The following ADAMTSL3 variants were observed in gnomAD, a reference collection of about 807,000 sequenced individuals.
The protein encoded by ADAMTSL3 is ADAMTS-like protein 3.
ADAMTSL3 carries 128 observed loss-of-function variants against 201.7 expected under a neutral mutation model. The observed-to-expected ratio is 0.63, with a 90% CI of 0.55 to 0.73. The LOEUF is 0.73. Among genes scored for constraint, ADAMTSL3 ranks in the 30% least tolerant of loss-of-function variants. ADAMTSL3 has a pLI of 0.00. For synonymous variants in ADAMTSL3, 738 were observed against 748.4 expected (o/e 0.99, Z 0.23); for missense variants, 1,990 against 2,119.6 (o/e 0.94, Z 1.20).
intron 19 of ADAMTSL3, among the ~76,000 whole-genome samples, chr15:83,946,289 C>T (rs1040159698): frequency 1.3e-5 from 2 of 152,222 alleles, no homozygotes; most frequent in Non-Finnish European, 2.9e-5. Flanking sequence ...TTTACAGTTG[C>T]CAGTTGCGTA....
intron 7 of ADAMTSL3, 133 bp downstream of exon 7, chr15:83,838,348 A>C (rs2064316231): frequency 5.8e-6 from 7 of 1,217,298 alleles, no homozygotes; most frequent in African/African-American, 1.6e-5. Flanking sequence ...TCTAAAAGTG[A>C]AATTTCTTCC....
At chr15:83,838,032 G>C (rs1596299052) in intron 6 of ADAMTSL3, 57 bp from the exon 7 acceptor site, 8 of 1,566,928 alleles carry the variant, frequency 5.1e-6, no homozygotes, top group East Asian at 2.3e-5. Context: ...CTGAAATGAA[G>C]AGAGCTCCCC....
At chr15:83,875,757 G>A (rs1186562113) in intron 9 of ADAMTSL3, among the ~76,000 whole-genome samples, 4 of 152,166 alleles carry the variant, frequency 2.6e-5, no homozygotes, top group South Asian at 4.1e-4. Context: ...CACTCTGGCC[G>A]GGTGACAGAG....
In ADAMTSL3 at chr15:83,691,739, C is replaced by T. The variant is rs188258765; in HGVS notation, c.70-12650C>T. 2.2e-4 allele frequency among the ~76,000 whole-genome samples: 34 copies of T among 152,236 alleles called. No homozygotes were observed. In the East Asian group the frequency reaches 4.4e-3, roughly 20 times the overall value. On this transcript the variant is annotated intron_variant, in intron 2 of 29. Transcript: ENST00000286744. ...AAGTGATTCTCCTGCCTCAGCCTCC[C>T]GAGTAGCTGGGATTACAGGCGCCTG...
At chr15:84,023,524 T>C (rs2068243830) in intron 26 of ADAMTSL3, among the ~76,000 whole-genome samples, 1 of 152,186 alleles carries the variant, frequency 6.6e-6, no homozygotes, top group South Asian at 2.1e-4. Context: ...GGTCTTCCAG[T>C]ACCCTTTGTA....
chr15:83,737,761 T>C (rs1194683254), intron 3 of ADAMTSL3, among the ~76,000 whole-genome samples: 1 of 152,094 alleles, frequency 6.6e-6, no homozygotes, highest in Non-Finnish European at 1.5e-5. Context: ...AACACAAACA[T>C]ATACATACCC....
chr15:83,715,181 A>G (rs940589610), intron 3 of ADAMTSL3, among the ~76,000 whole-genome samples: 13 of 152,102 alleles, frequency 8.5e-5, no homozygotes, highest in African/African-American at 3.1e-4. Flanking sequence ...GCAGGATGTG[A>G]GGCTTGGAGC....
At chr15:83,671,870 TA>T (rs1385087924) in intron 2 of ADAMTSL3, among the ~76,000 whole-genome samples, 1 of 152,226 alleles carries the variant, frequency 6.6e-6, no homozygotes, top group African/African-American at 2.4e-5. Flanking sequence ...TTAAGAGGAA[TA>T]ATGGGCCTAG....
At position 84,039,549 on chromosome 15, in the gene ADAMTSL3, A is replaced by ACTC. The variant is rs1411398579; in HGVS notation, c.*1743_*1744insCTC. 6.6e-6 allele frequency: 1 copy of ACTC among 152,638 alleles called. No individual in the cohort carries two copies. The highest frequency in any genetic ancestry group is 1.5e-5 in the Non-Finnish European group (1 of 68,040). 9.5% of individuals were successfully genotyped at this position (152,638 alleles called of 1,614,324 possible). On this transcript the variant is annotated 3_prime_UTR_variant, in exon 30 of 30. Coordinates refer to ENST00000286744, the MANE Select transcript of ADAMTSL3 (RefSeq NM_207517.3). The stretch of plus-strand genomic sequence containing the variant: ...CATTTGTAACATACTCTTTGTATAT[A>ACTC]TTTATTATATGAAAGGTGCAATATT...
At chr15:83,736,237 GA>G (rs1463723284) in intron 3 of ADAMTSL3, among the ~76,000 whole-genome samples, 1 of 152,166 alleles carries the variant, frequency 6.6e-6, no homozygotes, top group Non-Finnish European at 1.5e-5. Context: ...ATGGAGTATA[GA>G]ATATTCAATG....
chr15:83,887,576 G>A (rs2065420584), intron 10 of ADAMTSL3, among the ~76,000 whole-genome samples: 2 of 152,052 alleles, frequency 1.3e-5, no homozygotes, highest in South Asian at 4.1e-4. Flanking sequence ...GACTCTTTGG[G>A]TACTCTTACT....
chr15:83,932,506 A>T (rs1309086491), intron 17 of ADAMTSL3, among the ~76,000 whole-genome samples: 1 of 152,188 alleles, frequency 6.6e-6, no homozygotes, highest in African/African-American at 2.4e-5. Flanking sequence ...GCCAGGGTCT[A>T]CCTCAATGGA....
chr15:83,656,856 G>A (rs1283166161), intron 2 of ADAMTSL3, among the ~76,000 whole-genome samples: 1 of 152,172 alleles, frequency 6.6e-6, no homozygotes, highest in African/African-American at 2.4e-5. Flanking sequence ...TATATACCCT[G>A]GGATAAATTA....
At chr15:83,877,102 C>CAA (rs975165309) in intron 9 of ADAMTSL3, among the ~76,000 whole-genome samples, 9 of 151,832 alleles carry the variant, frequency 5.9e-5, no homozygotes, top group African/African-American at 2.2e-4. Context: ...CCAAATTAAA[C>CAA]AAAAAAAATT....
At chr15:83,657,791 G>A (rs1247382536) in intron 2 of ADAMTSL3, among the ~76,000 whole-genome samples, 3 of 152,198 alleles carry the variant, frequency 2.0e-5, no homozygotes, top group Non-Finnish European at 4.4e-5. Flanking sequence ...GGGAGTGTGG[G>A]TGGGCATGGC....
At chr15:83,911,674 A>G (rs1481750063) in intron 15 of ADAMTSL3, among the ~76,000 whole-genome samples, 10 of 152,202 alleles carry the variant, frequency 6.6e-5, no homozygotes, top group Non-Finnish European at 5.9e-5. Flanking sequence ...TTTGCAGGAC[A>G]CGTATATAGT....
intron 6 of ADAMTSL3, among the ~76,000 whole-genome samples, chr15:83,823,898 CTTCTTCTTCTTCTTCT>C (rs2063940424): frequency 3.3e-4 from 6 of 18,172 alleles, no homozygotes; most frequent in African/African-American, 6.0e-4. Flanking sequence ...TCTTCCTCTT[CTTCTTCTTCTTCTTCT>C]TCTTCTTCTT....
chr15:83,753,259 G>A (rs2062667175), intron 3 of ADAMTSL3, among the ~76,000 whole-genome samples: 1 of 152,070 alleles, frequency 6.6e-6, no homozygotes, highest in African/African-American at 2.4e-5. Context: ...CAAGGAATTG[G>A]GATTTTGCTC....
At chr15:83,948,249 T>C (rs1038153808) in intron 19 of ADAMTSL3, among the ~76,000 whole-genome samples, 7 of 152,180 alleles carry the variant, frequency 4.6e-5, no homozygotes, top group African/African-American at 9.7e-5. Flanking sequence ...GAACCACTTA[T>C]GATCTCATCC....
Sources: allele counts gnomAD v4.1 joint callset (sites outside exome capture counted in the v4.1 genomes callset), GRCh38; gene constraint gnomAD v4.1.1; transcripts MANE v1.5; gene names NCBI Gene and HGNC (gene_info 2026-07-23, HGNC 2026-07-21).